The following YRDC variants were observed in gnomAD, a reference collection of about 807,000 sequenced individuals.
YRDC encodes yrdC N6-threonylcarbamoyltransferase domain containing, also known as threonylcarbamoyl-AMP synthase.
YRDC carries 17 observed loss-of-function variants against 21.5 expected under a neutral mutation model. The ratio of observed to expected loss-of-function variants is 0.79; its 90% CI spans 0.54 to 1.19. YRDC has a LOEUF of 1.19. Ranked by LOEUF, YRDC falls within the 50% of genes most tolerant of loss-of-function variation. YRDC has a pLI of 0.00. For missense variants in YRDC, 380 were observed against 397.1 expected, an observed-to-expected ratio of 0.96 and a Z score of 0.37; for synonymous variants, 193 against 176.7, an observed-to-expected ratio of 1.09 and a Z score of -0.73.
Position 37,804,401 on chromosome 1 carries a change from C to T in YRDC, c.668G>A (p.Gly223Glu), listed in dbSNP as rs764310992. The T allele has an allele frequency of 1.5e-5, 24 of 1,613,970 alleles. No homozygotes were observed. The highest frequency in any genetic ancestry group is 1.9e-5 in the Non-Finnish European group (23 of 1,180,002). The change falls in exon 4 of 5, where the codon GGG (glycine) becomes GAG (glutamate). Residue 223 changes from glycine (G) to glutamate (E), a missense_variant. By Grantham distance (98) the Gly-to-Glu change is moderately conservative. This residue lies in a region of YRDC where 238 missense variants were observed against 236.5 expected (regional missense o/e 1.01). Transcript: ENST00000373044. ...LWPQLSLVID[G>E]GQIGDGQSPE... ...GCTCTGGCCATCCCCAATTTGTCCCCCATCAATAACCAAGGACAACTGAGG... is the reference window on the plus strand; with the variant it reads ...GCTCTGGCCATCCCCAATTTGTCCCTCATCAATAACCAAGGACAACTGAGG...
rs370868306 is a variant in YRDC at position 37,808,172 on chromosome 1, C to A, written c.9G>T (p.Pro3=). 2.7e-6 allele frequency: 4 copies of A among 1,454,568 alleles called. No individual in the cohort carries two copies. In the South Asian group the frequency reaches 3.9e-5, roughly 14 times the overall value. 90.1% of individuals were successfully genotyped at this position (1,454,568 alleles called of 1,614,324 possible). ...CCCTCATCCCCCTGCACCGACGCGC[C>A]GGAGACATCCGCCCAGGCCCGCTTC... MS[P]ARRCRGMRAA... Residue 3 remains proline, a synonymous_variant, in exon 1 of 5, where the codon CCG becomes CCT. Coordinates refer to ENST00000373044, the MANE Select transcript of YRDC (RefSeq NM_024640.4).
intron 1 of YRDC, 105 bp from the exon 2 acceptor site, chr1:37,807,320 G>A: frequency 9.3e-7 from 1 of 1,080,364 alleles, no homozygotes; most frequent in Non-Finnish European, 1.4e-6. Flanking sequence ...AGTTTACAAT[G>A]GGAGCCGCCT....
In YRDC at chr1:37,803,900, T is replaced by C; in HGVS notation, c.*25A>G. On this transcript the variant is annotated 3_prime_UTR_variant, in exon 5 of 5. Transcript: ENST00000373044. ...GACACATAGTATCCAGCACCAGGTCTTGGGCCTTCCTGCTTCCCAGAGTTT... is the reference window on the plus strand; with the variant it reads ...GACACATAGTATCCAGCACCAGGTCCTGGGCCTTCCTGCTTCCCAGAGTTT... The C allele has an allele frequency of 3.7e-6, 6 of 1,613,190 alleles. No homozygotes were observed. Among genetic ancestry groups the C allele is most frequent in the Non-Finnish European group, 5.1e-6 (6 of 1,179,510 alleles).
At chr1:37,806,712 C>G (rs1182294917) in intron 3 of YRDC, 145 bp downstream of exon 3, 34 of 1,304,868 alleles carry the variant, frequency 2.6e-5, no homozygotes, top group Non-Finnish European at 3.5e-5. Context: ...CCCCCCACCA[C>G]CTCCCTGCCA....
chr1:37,804,364 G>A lies in YRDC; in HGVS notation c.705C>T (p.Arg235=). ...ACAAATCAACCACAGTTGAGCCAAG[G>A]CGACACTCGGGGCTCTGGCCATCCC... ...QIGDGQSPEC[R]LGSTVVDLSV... The change falls in exon 4 of 5, where the codon CGC becomes CGT. Residue 235 remains arginine, a synonymous_variant. Transcript: ENST00000373044. The A allele has an allele frequency of 6.2e-7, 1 of 1,614,140 alleles. No homozygotes were observed. The highest frequency in any genetic ancestry group is 8.5e-7 in the Non-Finnish European group (1 of 1,180,006).
In YRDC at chr1:37,803,626, AAAAC is replaced by A. The variant is rs1480141309; in HGVS notation, c.*295_*298del. On this transcript the variant is annotated 3_prime_UTR_variant, in exon 5 of 5. Coordinates refer to ENST00000373044, the MANE Select transcript of YRDC (RefSeq NM_024640.4). Reference sequence around the variant, plus strand: ...TGTTATTTAATTACTTTTCAATTGAAAAACAAAACAGACAGAAGAAACTTATTAG... The same window carrying A: ...TGTTATTTAATTACTTTTCAATTGAAAAAACAGACAGAAGAAACTTATTAG... 5.9e-6 allele frequency: 2 copies of A among 337,808 alleles called. No homozygotes were observed. Among genetic ancestry groups the A allele is most frequent in the African/African-American group, 4.2e-5 (2 of 47,858 alleles). The allele number at this position is 337,808 out of a possible 1,614,324, so 20.9% of individuals were successfully genotyped here.
intron 3 of YRDC, among the ~76,000 whole-genome samples, chr1:37,804,940 AAAGAT>A (rs552463809): frequency 3.2e-4 from 48 of 152,206 alleles, no homozygotes; most frequent in Non-Finnish European, 5.4e-4. Context: ...GGCTTGCCGC[AAAGAT>A]AAGAGAACAG....
chr1:37,804,391 A>C lies in YRDC; in HGVS notation c.678T>G (p.Ile226Met). ...QLSLVIDGGQ[I>M]GDGQSPECRL... ...GACACTCGGGGCTCTGGCCATCCCC[A>C]ATTTGTCCCCCATCAATAACCAAGG... The change falls in exon 4 of 5, where the codon ATT becomes ATG. Residue 226 changes from isoleucine to methionine, a missense_variant. Ile to Met is a conservative substitution (Grantham distance 10). Transcript: ENST00000373044. 3 of 1,614,090 alleles carry C rather than the reference A, an allele frequency of 1.9e-6. No homozygotes were observed. Among genetic ancestry groups the C allele is most frequent in the African/African-American group, 1.3e-5 (1 of 75,040 alleles).
rs1041226386 is a variant in YRDC, at chr1:37,806,868, G to A, written c.613C>T (p.Leu205=). ...SANLSSQASS[L]NVEEFQDLWP... ...CTGGGTAAACTCACCTCGACATTCAGAGAACTGGCCTGGGAGCTGAGGTTG... is the reference window on the plus strand; with the variant it reads ...CTGGGTAAACTCACCTCGACATTCAAAGAACTGGCCTGGGAGCTGAGGTTG... The change falls in exon 3 of 5, where the codon CTG becomes TTG. Residue 205 remains leucine, a synonymous_variant. Transcript: ENST00000373044. 5.0e-6 allele frequency: 8 copies of A among 1,614,042 alleles called. No homozygotes were observed. The highest frequency in any genetic ancestry group is 4.4e-5 in the South Asian group (4 of 91,084).
At position 37,803,670 on chromosome 1, in the gene YRDC, G is replaced by C; in HGVS notation, c.*255C>G. ...AAACTTATTAGAATAAGGCCACCTA[G>C]GAATGTTCTTAACTTTTCCATTCAG... On this transcript the variant is annotated 3_prime_UTR_variant, in exon 5 of 5. Coordinates refer to ENST00000373044, the MANE Select transcript of YRDC (RefSeq NM_024640.4). The C allele has an allele frequency of 2.2e-6, 1 of 459,524 alleles. No homozygotes were observed. The highest frequency in any genetic ancestry group is 3.8e-6 in the Non-Finnish European group (1 of 260,324). 28.5% of individuals were successfully genotyped at this position (459,524 alleles called of 1,614,324 possible). A position where few individuals can be genotyped will look rare whatever the true frequency, so the allele number is the denominator to read the frequency against.
In YRDC at chr1:37,807,807, A is replaced by AAAAC; in HGVS notation, c.373_374insGTTT (p.Val125GlyfsTer15). Reference sequence around the variant, plus strand: ...GCGGCCTTACCTGTAGACGTCGGCCACGCGGCCGAGGCATACGGCCAGAGG... The same window carrying AAAAC: ...GCGGCCTTACCTGTAGACGTCGGCCAAAACCGCGGCCGAGGCATACGGCCAGAGG... On this transcript the variant is annotated frameshift_variant, in exon 1 of 5. Transcript: ENST00000373044. LOFTEE classifies it high-confidence loss of function. 3 of 1,510,100 alleles carry AAAAC rather than the reference A, an allele frequency of 2.0e-6. No individual in the cohort carries two copies. Among genetic ancestry groups the AAAAC allele is most frequent in the Non-Finnish European group, 2.6e-6 (3 of 1,133,822 alleles). The allele number at this position is 1,510,100 out of a possible 1,614,324, so 93.5% of individuals were successfully genotyped here.
intron 1 of YRDC, 163 bp downstream of exon 1, chr1:37,807,629 G>A (rs1646748890): frequency 7.0e-6 from 9 of 1,282,744 alleles, no homozygotes; most frequent in Non-Finnish European, 9.1e-6. Flanking sequence ...TGTAGTTCAG[G>A]GCCCGGGGCA....
intron 1 of YRDC, 134 bp downstream of exon 1, chr1:37,807,658 T>C (rs1362868026): frequency 7.5e-7 from 1 of 1,339,578 alleles, no homozygotes; most frequent in East Asian, 2.9e-5. Flanking sequence ...CCTCGGTACA[T>C]ATTTCCAGTT....
intron 1 of YRDC, 27 bp downstream of exon 1, chr1:37,807,765 A>G (rs989830000): frequency 2.7e-6 from 4 of 1,477,778 alleles, no homozygotes; most frequent in South Asian, 2.5e-5. Context: ...TGCCGCCCCT[A>G]GCGGGGCCGG....
chr1:37,807,626 C>T, intron 1 of YRDC, 166 bp downstream of exon 1: 1 of 1,277,642 alleles, frequency 7.8e-7, no homozygotes, highest in Non-Finnish European at 1.0e-6. Flanking sequence ...GCATGTAGTT[C>T]AGGGCCCGGG....
chr1:37,808,189 G>T lies in YRDC; in HGVS notation c.-9C>A. The T allele has an allele frequency of 7.0e-7, 1 of 1,431,268 alleles. No homozygotes were observed. The highest frequency in any genetic ancestry group is 9.1e-7 in the Non-Finnish European group (1 of 1,097,726). 88.7% of individuals were successfully genotyped at this position (1,431,268 alleles called of 1,614,324 possible). ...CGACGCGCCGGAGACATCCGCCCAG[G>T]CCCGCTTCCGGGAGGAAGTGACGCT... On this transcript the variant is annotated 5_prime_UTR_variant, in exon 1 of 5. Transcript: ENST00000373044.
In YRDC at chr1:37,804,081, C is replaced by A. The variant is rs866131691; in HGVS notation, c.768-84G>T. ...AGGCTGGTGAGCAGGGACATCGAAA[C>A]TGGCTAGCCTTGTTAAGCCCTGTTC... On this transcript the variant is annotated intron_variant, in intron 4 of 4. Transcript: ENST00000373044. The A allele has an allele frequency of 1.9e-6, 3 of 1,551,072 alleles. No individual in the cohort carries two copies. In the Middle Eastern group the frequency reaches 5.1e-4, roughly 263 times the overall value.
At chr1:37,804,769 A>G (rs756446399) in intron 3 of YRDC, among the ~76,000 whole-genome samples, 2 of 152,214 alleles carry the variant, frequency 1.3e-5, no homozygotes, top group Non-Finnish European at 2.9e-5. Context: ...GATACGGGCT[A>G]TAACTCTAGA....
At chr1:37,805,101 C>T (rs993497618) in intron 3 of YRDC, among the ~76,000 whole-genome samples, 1 of 151,794 alleles carries the variant, frequency 6.6e-6, no homozygotes, top group Non-Finnish European at 1.5e-5. Flanking sequence ...ACTAAAAATA[C>T]AAAAATTAGC....
Sources: gnomAD v4.1 joint callset for allele counts (sites outside exome capture counted in the v4.1 genomes callset) on GRCh38, gnomAD v4.1.1 for gene constraint, gnomAD v4.1.1 regional missense constraint, MANE v1.5 for transcripts, NCBI Gene and HGNC (gene_info 2026-07-23, HGNC 2026-07-21) for gene names.